Variants in CHD9 observed in about 807,000 individuals in gnomAD.
CHD9 encodes the protein chromodomain helicase DNA binding protein 9, also known as ATP-dependent chromatin remodeler CHD9.
Under a neutral mutation model 316.1 loss-of-function variants are expected in CHD9, and 77 were observed. The observed-to-expected ratio is 0.24, with a 90% CI of 0.20 to 0.29. The LOEUF is 0.29. Among genes scored for constraint, CHD9 ranks in the 10% least tolerant of loss-of-function variants. The probability of loss-of-function intolerance (pLI) is 1.00; values close to 1 mark genes in which losing one functional copy is unlikely to be tolerated. For missense variants in CHD9, 2,763 were observed against 3,438.1 expected, an observed-to-expected ratio of 0.80 and a Z score of 4.91; for synonymous variants, 1,129 against 1,158.3, an observed-to-expected ratio of 0.97 and a Z score of 0.51.
chr16:53,177,352 A>G (rs2043162803), intron 2 of CHD9, among the ~76,000 whole-genome samples: 1 of 152,232 alleles, frequency 6.6e-6, no homozygotes, highest in East Asian at 1.9e-4. Context: ...AAAAGTAGGT[A>G]TTAGGAAAAT....
At chr16:53,106,222 T>C (rs1043437492) in intron 1 of CHD9, among the ~76,000 whole-genome samples, 1 of 152,228 alleles carries the variant, frequency 6.6e-6, no homozygotes. Flanking sequence ...GTTAGTTCAA[T>C]ACAAATGGCA....
Position 53,231,760 on chromosome 16 carries a change from T to C in CHD9, c.2487T>C (p.Ala829=). The C allele has an allele frequency of 3.1e-6, 5 of 1,608,534 alleles. No homozygotes were observed. Among genetic ancestry groups the C allele is most frequent in the Non-Finnish European group, 4.2e-6 (5 of 1,178,280 alleles). ...AKIEEFEQLQ[A]SRPDTRRLDR... is the part of the protein sequence containing the mutation. ...TAGAAGAGTTTGAACAACTGCAAGC[T>C]TCAAGGCCTGACACAAGACGTTTGG... The change falls in exon 10 of 39, where the codon GCT becomes GCC. Residue 829 remains alanine (A), a synonymous_variant. Transcript: ENST00000447540.
At chr16:53,239,475 A>G (rs918112273) in intron 12 of CHD9, among the ~76,000 whole-genome samples, 1 of 152,134 alleles carries the variant, frequency 6.6e-6, no homozygotes, top group Non-Finnish European at 1.5e-5. Flanking sequence ...TGGTTTTTGA[A>G]TGTTCATATG....
chr16:53,280,878 A>G (rs893668626), intron 24 of CHD9, among the ~76,000 whole-genome samples: 1 of 152,112 alleles, frequency 6.6e-6, no homozygotes, highest in African/African-American at 2.4e-5. Context: ...CTAATGACCT[A>G]CAGTGTGATC....
intron 36 of CHD9, among the ~76,000 whole-genome samples, chr16:53,317,175 A>AAG (rs2056947008): frequency 6.6e-6 from 1 of 151,686 alleles, no homozygotes; most frequent in Non-Finnish European, 1.5e-5. Flanking sequence ...AAAAAAAAAA[A>AAG]AAAAAAGAAA....
At chr16:53,247,267 G>C in intron 15 of CHD9, 26 bp from the exon 16 acceptor site, 1 of 1,518,400 alleles carries the variant, frequency 6.6e-7, no homozygotes, top group Non-Finnish European at 9.0e-7. Flanking sequence ...GCACATTGCT[G>C]TTATCTTCTC....
chr16:53,202,243 T>C (rs67384393), intron 2 of CHD9, among the ~76,000 whole-genome samples: 42,294 of 151,970 alleles, frequency 0.28, 5,975 homozygotes, highest in Middle Eastern at 0.32. Context: ...TAATCAAATA[T>C]CTGGTCAGGG....
chr16:53,088,760 G>T (rs368149686), intron 1 of CHD9, among the ~76,000 whole-genome samples: 1 of 151,968 alleles, frequency 6.6e-6, no homozygotes, highest in African/African-American at 2.4e-5. Flanking sequence ...CAGGAGGATC[G>T]CTTGAGGCCA....
At chr16:53,067,203 A>T (rs934381384) in intron 1 of CHD9, among the ~76,000 whole-genome samples, 1 of 152,166 alleles carries the variant, frequency 6.6e-6, no homozygotes, top group Non-Finnish European at 1.5e-5. Flanking sequence ...TCGACTTCCC[A>T]AAGTGTTGGG....
chr16:53,181,789 A>C (rs1248122697), intron 2 of CHD9, among the ~76,000 whole-genome samples: 1 of 152,108 alleles, frequency 6.6e-6, no homozygotes, highest in Non-Finnish European at 1.5e-5. Context: ...ATTAAAAATG[A>C]TAAAACAGGG....
intron 1 of CHD9, among the ~76,000 whole-genome samples, chr16:53,074,097 G>A (rs1480316510): frequency 6.6e-6 from 1 of 152,216 alleles, no homozygotes; most frequent in Non-Finnish European, 1.5e-5. Context: ...CTCAGATAGA[G>A]TTAAGGAACT....
At chr16:53,169,134 A>G (rs1177729963) in intron 2 of CHD9, 1 of 152,294 alleles carries the variant, frequency 6.6e-6, no homozygotes, top group Non-Finnish European at 1.5e-5. Flanking sequence ...TCGCTTGAGC[A>G]TAGGAGGTCA....
At position 53,327,463 on chromosome 16, in the gene CHD9, T is replaced by C. The variant is rs1007637307; in HGVS notation, c.*2568T>C. ...ATGTTCTATAGAGCAAATGGAAGTT[T>C]AATTATTTTTTATTAAACATATTCT... On this transcript the variant is annotated 3_prime_UTR_variant, in exon 39 of 39. Transcript: ENST00000447540. The C allele has an allele frequency of 1.3e-5, 2 of 152,610 alleles. No individual in the cohort carries two copies. Among genetic ancestry groups the C allele is most frequent in the Admixed American group, 6.6e-5 (1 of 15,262 alleles). 9.5% of individuals were successfully genotyped at this position (152,610 alleles called of 1,614,324 possible). A position where few individuals can be genotyped will look rare whatever the true frequency, so the allele number is the denominator to read the frequency against.
intron 4 of CHD9, among the ~76,000 whole-genome samples, chr16:53,225,387 G>A (rs2047568483): frequency 6.6e-6 from 1 of 152,122 alleles, no homozygotes; most frequent in Non-Finnish European, 1.5e-5. Context: ...TACCCCATGA[G>A]ATTACAAGGG....
chr16:53,263,177 A>G (rs1011629513), intron 20 of CHD9, 80 bp downstream of exon 20: 7 of 1,035,304 alleles, frequency 6.8e-6, no homozygotes, highest in Admixed American at 4.9e-5. Flanking sequence ...AAGGTGTTCA[A>G]TTATGCAGTT....
chr16:53,264,713 G>C (rs901136834), intron 20 of CHD9, among the ~76,000 whole-genome samples: 1 of 152,170 alleles, frequency 6.6e-6, no homozygotes, highest in African/African-American at 2.4e-5. Context: ...AGGTCACTGC[G>C]AAAGGATTAT....
At chr16:53,321,449 G>A in intron 37 of CHD9, 77 bp from the exon 38 acceptor site, 1 of 1,438,122 alleles carries the variant, frequency 7.0e-7, no homozygotes, top group Non-Finnish European at 9.2e-7. Flanking sequence ...AATAAACTCT[G>A]TAGAGCATAC....
At chr16:53,168,534 G>A (rs987308635) in intron 2 of CHD9, 1 of 152,128 alleles carries the variant, frequency 6.6e-6, no homozygotes, top group East Asian at 1.9e-4. Flanking sequence ...TAATGGTTTA[G>A]TAGAAACTTG....
intron 34 of CHD9, among the ~76,000 whole-genome samples, chr16:53,313,593 A>C (rs2153099528): frequency 6.6e-6 from 1 of 152,118 alleles, no homozygotes; most frequent in Admixed American, 6.5e-5. Context: ...GGCGTGAGCC[A>C]CTATGCCCGG....
Sources: allele counts gnomAD v4.1 joint callset (sites outside exome capture counted in the v4.1 genomes callset), GRCh38; gene constraint gnomAD v4.1.1; transcripts MANE v1.5; gene names NCBI Gene and HGNC (gene_info 2026-07-23, HGNC 2026-07-21).